Variants in NAA40 observed in about 807,000 individuals in gnomAD.
NAA40 encodes N-alpha-acetyltransferase 40, NatD catalytic subunit, also known as N-alpha-acetyltransferase 40.
In NAA40, 26 loss-of-function variants were observed where a neutral mutation model predicts 36.6. The observed-to-expected ratio is 0.71, with a 90% CI of 0.52 to 0.98. NAA40 has a LOEUF of 0.98. NAA40 is among the 50% of genes least tolerant of loss of function. NAA40 has a pLI of 0.00. For missense variants in NAA40, 237 were observed against 306.5 expected (o/e 0.77, Z 1.69); for synonymous variants, 129 against 108.4 (o/e 1.19, Z -1.18).
chr11:63,942,651 G>A (rs978998409), intron 1 of NAA40, among the ~76,000 whole-genome samples: 1 of 152,180 alleles, frequency 6.6e-6, no homozygotes, highest in Non-Finnish European at 1.5e-5. Context: ...ATTTTCCTGT[G>A]TCCCTGTAGG....
In NAA40 at chr11:63,945,833, G is replaced by A. The variant is rs1438163335; in HGVS notation, c.7-7G>A. ...ATTCCAGCTAACGTTGCTTTTCCCT[G>A]TTGCAGAGAAAGTCAAGCAAAGCCA... is the stretch of plus-strand genomic sequence containing the variant. On this transcript the variant is annotated splice_region_variant and splice_polypyrimidine_tract_variant and intron_variant, in intron 1 of 7. Coordinates refer to ENST00000377793, the MANE Select transcript of NAA40 (RefSeq NM_024771.4). 6.2e-7 allele frequency: 1 copy of A among 1,613,778 alleles called. No individual in the cohort carries two copies.
chr11:63,952,355 G>C, intron 4 of NAA40, 22 bp downstream of exon 4: 1 of 1,613,436 alleles, frequency 6.2e-7, no homozygotes, highest in Non-Finnish European at 8.5e-7. Context: ...CCAACCAGGG[G>C]AGCCTAGTTC....
At position 63,954,457 on chromosome 11, in the gene NAA40, A is replaced by C. The variant is rs868032003; in HGVS notation, c.692A>C (p.His231Pro). ...AGCCATCACTCCCACGCGGGTGGGC[A>C]CTGTGGTGGCTGCTGCCACTGAACT... ...GDSHHSHAGGHCGGCCH is the reference protein window; with the variant it reads ...GDSHHSHAGGPCGGCCH Residue 231 changes from histidine (H) to proline (P), a missense_variant, in exon 8 of 8, where the codon CAC (histidine) becomes CCC (proline). His to Pro is a moderately conservative substitution (Grantham distance 77). Coordinates refer to ENST00000377793, the MANE Select transcript of NAA40 (RefSeq NM_024771.4). 2 of 1,605,380 alleles carry C rather than the reference A, an allele frequency of 1.2e-6. No individual in the cohort carries two copies. Among genetic ancestry groups the C allele is most frequent in the South Asian group, 1.1e-5 (1 of 89,858 alleles).
rs1942335965 is a variant in NAA40, at chr11:63,954,659, G to A, written c.*180G>A. The A allele has an allele frequency of 9.0e-6, 5 of 555,540 alleles. No individual in the cohort carries two copies. The highest frequency in any genetic ancestry group is 1.4e-5 in the Non-Finnish European group (5 of 345,372). 34.4% of individuals were successfully genotyped at this position (555,540 alleles called of 1,614,324 possible). ...GTATCAGCTGCTCCTCCTCTCCTAG[G>A]AGACCAGAGTGCTAGAAGGGAATGA... is the stretch of plus-strand genomic sequence containing the variant. On this transcript the variant is annotated 3_prime_UTR_variant, in exon 8 of 8. Transcript: ENST00000377793.
In NAA40 at chr11:63,941,812, C is replaced by T. The variant is rs561426170; in HGVS notation, c.6+2710C>T. The stretch of plus-strand genomic sequence containing the variant: ...CAGGTAATCCACCCACCTCCGCCTC[C>T]CAAAGTGCTGGGGTTATAGGCATGA... On this transcript the variant is annotated intron_variant, in intron 1 of 7. Coordinates refer to ENST00000377793, the MANE Select transcript of NAA40 (RefSeq NM_024771.4). Among the ~76,000 whole-genome samples the T allele has an allele frequency of 8.1e-4, 124 of 152,256 alleles. No homozygotes were observed. In the Middle Eastern group the frequency reaches 0.01, roughly 13 times the overall value.
chr11:63,940,115 A>G (rs2134263793), intron 1 of NAA40, among the ~76,000 whole-genome samples: 1 of 131,206 alleles, frequency 7.6e-6, no homozygotes, highest in South Asian at 2.3e-4. Flanking sequence ...CAATGGCGCG[A>G]TCTCGGCTCA....
chr11:63,952,047 A>G (rs1020814852), intron 3 of NAA40, 191 bp from the exon 4 acceptor site: 1 of 548,928 alleles, frequency 1.8e-6, no homozygotes. Flanking sequence ...GTGTGGCCAC[A>G]GTTGTTAATC....
intron 3 of NAA40, among the ~76,000 whole-genome samples, chr11:63,951,197 A>G (rs1261534759): frequency 1.3e-4 from 20 of 152,024 alleles, no homozygotes; most frequent in Admixed American, 1.3e-3. Context: ...TTCAGAATGT[A>G]GTGCTCTCTA....
intron 1 of NAA40, among the ~76,000 whole-genome samples, chr11:63,942,039 T>C (rs890853296): frequency 6.6e-6 from 1 of 152,162 alleles, no homozygotes; most frequent in African/African-American, 2.4e-5. Flanking sequence ...GAGCATGACT[T>C]TAGGGTTCAA....
At position 63,954,788 on chromosome 11, in the gene NAA40, T is replaced by C. The variant is rs967767540; in HGVS notation, c.*309T>C. 1.6e-5 allele frequency: 4 copies of C among 243,690 alleles called. No homozygotes were observed. Among genetic ancestry groups the C allele is most frequent in the Non-Finnish European group, 3.1e-5 (4 of 128,084 alleles). 15.1% of individuals were successfully genotyped at this position (243,690 alleles called of 1,614,324 possible). A position where few individuals can be genotyped will look rare whatever the true frequency, so the allele number is the denominator to read the frequency against. On this transcript the variant is annotated 3_prime_UTR_variant, in exon 8 of 8. Coordinates refer to ENST00000377793, the MANE Select transcript of NAA40 (RefSeq NM_024771.4). ...GGCCTGCAGTGGAGGTTCTCGCACCTCTGCAGCCCCTAGATTCCTGGCAAC... is the reference window on the plus strand; with the variant it reads ...GGCCTGCAGTGGAGGTTCTCGCACCCCTGCAGCCCCTAGATTCCTGGCAAC...
At chr11:63,945,819 C>T (rs762517187) in intron 1 of NAA40, 21 bp from the exon 2 acceptor site, 40 of 1,606,116 alleles carry the variant, frequency 2.5e-5, no homozygotes, top group Middle Eastern at 3.3e-4. Flanking sequence ...TTCCAGCTAA[C>T]GTTGCTTTTC....
intron 1 of NAA40, among the ~76,000 whole-genome samples, chr11:63,942,193 C>T (rs572257863): frequency 6.6e-6 from 1 of 152,056 alleles, no homozygotes; most frequent in Non-Finnish European, 1.5e-5. Context: ...AGGAAGAGAC[C>T]GCTTTGAGAA....
At chr11:63,946,133 A>G (rs1441818012) in intron 2 of NAA40, 198 bp downstream of exon 2, 13 of 580,898 alleles carry the variant, frequency 2.2e-5, no homozygotes, top group Admixed American at 1.5e-4. Flanking sequence ...GTGTTTGGGA[A>G]AACGTGGATT....
chr11:63,939,296 C>G, intron 1 of NAA40, 194 bp downstream of exon 1: 1 of 1,269,716 alleles, frequency 7.9e-7, no homozygotes, highest in African/African-American at 1.6e-5. Context: ...CTCTGGAGAG[C>G]CCCTGGTCCG....
chr11:63,951,756 A>G (rs911835656), intron 3 of NAA40, among the ~76,000 whole-genome samples: 2 of 152,132 alleles, frequency 1.3e-5, no homozygotes, highest in African/African-American at 4.8e-5. Context: ...ACCTAGGGTC[A>G]CCCAGTGGTT....
chr11:63,944,748 C>G lies in NAA40; in HGVS notation c.7-1092C>G, dbSNP rs563973634. 1.2e-3 allele frequency among the ~76,000 whole-genome samples: 184 copies of G among 151,982 alleles called. 1 individual carries two copies. Among genetic ancestry groups the G allele is most frequent in the African/African-American group, 4.3e-3 (179 of 41,456 alleles). ...TGAAACCCCGTCACTACTAAAAATA[C>G]AAAAATCAGCTGGACATGGTGGTGC... On this transcript the variant is annotated intron_variant, in intron 1 of 7. Transcript: ENST00000377793.
intron 3 of NAA40, among the ~76,000 whole-genome samples, chr11:63,951,363 G>C (rs1942276468): frequency 6.6e-6 from 1 of 152,058 alleles, no homozygotes; most frequent in Non-Finnish European, 1.5e-5. Flanking sequence ...TTTGTTTGGA[G>C]ACAGAGTTTC....
At chr11:63,952,586 G>A (rs1942297648) in intron 5 of NAA40, 21 bp downstream of exon 5, 7 of 1,611,470 alleles carry the variant, frequency 4.3e-6, no homozygotes, top group Non-Finnish European at 5.9e-6. Context: ...TGGCTTGGGG[G>A]AGGTAGGGGA....
Position 63,954,350 on chromosome 11 carries a change from T to C in NAA40, c.585T>C (p.Asp195=), listed in dbSNP as rs1942329152. The C allele has an allele frequency of 1.9e-6, 3 of 1,592,210 alleles. No homozygotes were observed. Among genetic ancestry groups the C allele is most frequent in the Middle Eastern group, 1.7e-4 (1 of 5,974 alleles). Residue 195 remains aspartate, a synonymous_variant, in exon 8 of 8, where the codon GAT becomes GAC. Coordinates refer to ENST00000377793, the MANE Select transcript of NAA40 (RefSeq NM_024771.4). Reference sequence around the variant, plus strand: ...GCCTGCCTTGCAGATTTGAAATTGATGACTCTTCCCCCAGCATGTCCGGTT... The same window carrying C: ...GCCTGCCTTGCAGATTTGAAATTGACGACTCTTCCCCCAGCATGTCCGGTT... ...FFREALQFEI[D]DSSPSMSGCC... is the part of the protein sequence containing the mutation.
Sources: gnomAD v4.1 joint callset for allele counts (sites outside exome capture counted in the v4.1 genomes callset) on GRCh38, gnomAD v4.1.1 for gene constraint, MANE v1.5 for transcripts, NCBI Gene and HGNC (gene_info 2026-07-23, HGNC 2026-07-21) for gene names.